Variants in SESN2 observed in about 807,000 individuals in gnomAD.
SESN2 encodes the protein sestrin 2, also known as sestrin-2.
In SESN2, 42 loss-of-function variants were observed where a neutral mutation model predicts 56.0. That is an observed-to-expected ratio of 0.75 (90% CI 0.59 to 0.97). SESN2 has a LOEUF of 0.97. Ranked by LOEUF, SESN2 falls within the 50% of genes least tolerant of loss-of-function variation. The probability of loss-of-function intolerance (pLI) is 0.00; values close to 1 mark genes in which losing one functional copy is unlikely to be tolerated. For synonymous variants in SESN2, 264 were observed against 267.1 expected (o/e 0.99, Z 0.11); for missense variants, 507 against 649.4 (o/e 0.78, Z 2.38).
In SESN2 at chr1:28,276,500, T is replaced by A. The variant is rs145738561; in HGVS notation, c.1211+1485T>A. 4.4e-3 allele frequency among the ~76,000 whole-genome samples: 663 copies of A among 149,108 alleles called. 2 individuals are homozygous for A. Among genetic ancestry groups the A allele is most frequent in the Non-Finnish European group, 6.1e-3 (409 of 67,376 alleles). ...CACTAAAAAAATACAAAATAAAATT[T>A]AAAAAAAATTATCCATTATACTATC... On this transcript the variant is annotated intron_variant, in intron 8 of 9. Coordinates refer to ENST00000253063, the MANE Select transcript of SESN2 (RefSeq NM_031459.5).
At chr1:28,271,589 T>G in intron 2 of SESN2, 85 bp from the exon 3 acceptor site, 1 of 1,085,418 alleles carries the variant, frequency 9.2e-7, no homozygotes, top group South Asian at 1.3e-5. Flanking sequence ...TTCTTGCCAT[T>G]AAAAACCCAC....
chr1:28,277,205 C>CT lies in SESN2; in HGVS notation c.1212-1877dup, dbSNP rs35636614. The stretch of plus-strand genomic sequence containing the variant: ...CACAGGCGTGAGCCACTGCGCCTGG[C>CT]TTTTTTTTTTTTTTTGAGACAGAGT... On this transcript the variant is annotated intron_variant, in intron 8 of 9. Coordinates refer to ENST00000253063, the MANE Select transcript of SESN2 (RefSeq NM_031459.5). Among the ~76,000 whole-genome samples the CT allele has an allele frequency of 8.8e-4, 117 of 132,576 alleles. 1 individual carries two copies. The highest frequency in any genetic ancestry group is 1.5e-3 in the African/African-American group (52 of 35,304). 87.0% of individuals were successfully genotyped at this position (132,576 alleles called of 152,430 possible). A position where few individuals can be genotyped will look rare whatever the true frequency, so the allele number is the denominator to read the frequency against.
intron 1 of SESN2, among the ~76,000 whole-genome samples, chr1:28,262,486 C>A (rs1647407570): frequency 6.6e-6 from 1 of 151,628 alleles, no homozygotes; most frequent in South Asian, 2.1e-4. Flanking sequence ...CAAAAGTTAG[C>A]CAGGCGTGGT....
rs779371521 is a variant in SESN2, at chr1:28,279,163, G to C, written c.1278G>C (p.Lys426Asn). The C allele has an allele frequency of 2.5e-6, 4 of 1,614,180 alleles. No homozygotes were observed. Among genetic ancestry groups the C allele is most frequent in the Non-Finnish European group, 3.4e-6 (4 of 1,180,008 alleles). The change falls in exon 9 of 10, where the codon AAG becomes AAC. Residue 426 changes from lysine to asparagine, a missense_variant. Coordinates refer to ENST00000253063, the MANE Select transcript of SESN2 (RefSeq NM_031459.5). Reference sequence around the variant, plus strand: ...AGCGGAACCTCAAGGTCTATATCAAGACAGTGGCCTGCTACCCAGAGAAGA... The same window carrying C: ...AGCGGAACCTCAAGGTCTATATCAACACAGTGGCCTGCTACCCAGAGAAGA... ...LLERNLKVYI[K>N]TVACYPEKTT...
At chr1:28,271,556 T>TG (rs1283441115) in intron 2 of SESN2, 118 bp from the exon 3 acceptor site, 1 of 692,256 alleles carries the variant, frequency 1.4e-6, no homozygotes, top group African/African-American at 1.8e-5. Flanking sequence ...TCTTTCTTTT[T>TG]GGACACGGTG....
At chr1:28,272,977 C>T (rs907575849) in intron 5 of SESN2, among the ~76,000 whole-genome samples, 184 bp downstream of exon 5, 4 of 152,178 alleles carry the variant, frequency 2.6e-5, no homozygotes, top group African/African-American at 4.8e-5. Context: ...AGACCCTCTA[C>T]TCACACTGGG....
At chr1:28,275,943 C>T (rs1032488356) in intron 8 of SESN2, among the ~76,000 whole-genome samples, 4 of 151,912 alleles carry the variant, frequency 2.6e-5, no homozygotes, top group East Asian at 3.9e-4. Context: ...TCCAGGAGTT[C>T]GAGACCAACC....
Position 28,259,947 on chromosome 1 carries a change from G to A in SESN2, c.90+10G>A. ...CTCGGGCCCCGGAGAGGTAAGCGGC[G>A]GCCGCGCGACGCCCCTCTTCCCTGG... On this transcript the variant is annotated intron_variant, in intron 1 of 9. Transcript: ENST00000253063. The A allele has an allele frequency of 1.3e-6, 2 of 1,496,454 alleles. No individual in the cohort carries two copies. The highest frequency in any genetic ancestry group is 1.2e-5 in the South Asian group (1 of 81,102). The allele number at this position is 1,496,454 out of a possible 1,614,324, so 92.7% of individuals were successfully genotyped here.
At chr1:28,265,325 G>A (rs758822777) in intron 1 of SESN2, among the ~76,000 whole-genome samples, 2 of 152,172 alleles carry the variant, frequency 1.3e-5, no homozygotes, top group Non-Finnish European at 2.9e-5. Flanking sequence ...AATCTACTTG[G>A]TTTTGCCTTC....
In SESN2 at chr1:28,282,209, C is replaced by T. The variant is rs150991248; in HGVS notation, c.*1407C>T. On this transcript the variant is annotated 3_prime_UTR_variant, in exon 10 of 10. Coordinates refer to ENST00000253063, the MANE Select transcript of SESN2 (RefSeq NM_031459.5). ...AGGCAAGGGCCGTGCTGCTGCTGGG[C>T]GGGGCAGGAGAGGAGCCTGGCCAGT... 685 of 152,680 alleles carry T rather than the reference C, an allele frequency of 4.5e-3. 8 individuals carry two copies. The highest frequency in any genetic ancestry group is 0.025 in the South Asian group (121 of 4,826). 9.5% of individuals were successfully genotyped at this position (152,680 alleles called of 1,614,324 possible).
At position 28,259,586 on chromosome 1, in the gene SESN2, T is replaced by C; in HGVS notation, c.-262T>C. On this transcript the variant is annotated 5_prime_UTR_variant, in exon 1 of 10. Transcript: ENST00000253063. ...GGAGCAGCCCTGGCCCCTGCGGACT[T>C]CCGAGGCCGTGAAAACCCCTGCGCT... 1 of 390,916 alleles carries C rather than the reference T, an allele frequency of 2.6e-6. No individual in the cohort carries two copies. Among genetic ancestry groups the C allele is most frequent in the South Asian group, 6.9e-5 (1 of 14,432 alleles). The allele number at this position is 390,916 out of a possible 1,614,324, so 24.2% of individuals were successfully genotyped here.
At position 28,259,887 on chromosome 1, in the gene SESN2, G is replaced by A. The variant is rs1185683806; in HGVS notation, c.40G>A (p.Asp14Asn). Residue 14 changes from aspartate (D) to asparagine (N), a missense_variant, in exon 1 of 10, where the codon GAC becomes AAC. Physicochemically the swap from Asp to Asn is conservative, Grantham distance 23. Coordinates refer to ENST00000253063, the MANE Select transcript of SESN2 (RefSeq NM_031459.5). The part of the protein sequence containing the change: ...ADSECRAELK[D>N]YLRFAPGGVG... ...CTCCGAGTGCCGCGCAGAGCTCAAGGACTACCTGCGGTTCGCCCCGGGCGG... is the reference window on the plus strand; with the variant it reads ...CTCCGAGTGCCGCGCAGAGCTCAAGAACTACCTGCGGTTCGCCCCGGGCGG... 6.9e-7 allele frequency: 1 copy of A among 1,450,086 alleles called. No homozygotes were observed. The highest frequency in any genetic ancestry group is 2.9e-5 in the East Asian group (1 of 34,816). 89.8% of individuals were successfully genotyped at this position (1,450,086 alleles called of 1,614,324 possible).
chr1:28,269,772 TACA>T (rs1293513719), intron 2 of SESN2, among the ~76,000 whole-genome samples: 3 of 152,240 alleles, frequency 2.0e-5, no homozygotes, highest in East Asian at 1.9e-4. Context: ...GGTCATAGTT[TACA>T]ACGTGTTTTT....
Position 28,279,194 on chromosome 1 carries a change from C to T in SESN2, c.1309C>T (p.Arg437Ter), listed in dbSNP as rs747114158. 13 of 1,613,990 alleles carry T rather than the reference C, an allele frequency of 8.1e-6. No homozygotes were observed. The highest frequency in any genetic ancestry group is 2.2e-5 in the East Asian group (1 of 44,892). The change falls in exon 9 of 10, where the codon CGA becomes TGA. Residue 437 changes from arginine to a stop codon, truncating the protein, a stop_gained. Transcript: ENST00000253063. LOFTEE classifies it high-confidence loss of function. ...TVACYPEKTT[R>*]RMYNLFWRHF... ...GGCCTGCTACCCAGAGAAGACCACCCGAAGAATGTACAACCTCTTCTGGAG... is the reference window on the plus strand; with the variant it reads ...GGCCTGCTACCCAGAGAAGACCACCTGAAGAATGTACAACCTCTTCTGGAG...
chr1:28,260,353 G>C (rs1218438814), intron 1 of SESN2, among the ~76,000 whole-genome samples: 1 of 152,126 alleles, frequency 6.6e-6, no homozygotes, highest in Non-Finnish European at 1.5e-5. Flanking sequence ...CTTCCGCGGA[G>C]TCCCTTCCTC....
intron 1 of SESN2, among the ~76,000 whole-genome samples, chr1:28,265,085 G>T (rs1318365915): frequency 6.6e-6 from 1 of 152,018 alleles, no homozygotes; most frequent in African/African-American, 2.4e-5. Flanking sequence ...TAAAATGGAA[G>T]CCCTAGTAGT....
chr1:28,270,485 CAA>C (rs373546992), intron 2 of SESN2, among the ~76,000 whole-genome samples: 15 of 152,238 alleles, frequency 9.9e-5, no homozygotes, highest in African/African-American at 3.4e-4. Context: ...ATAAGGCGAA[CAA>C]CCACTTGCCG....
chr1:28,264,651 T>C, intron 1 of SESN2, among the ~76,000 whole-genome samples: 1 of 152,210 alleles, frequency 6.6e-6, no homozygotes, highest in East Asian at 1.9e-4. Context: ...CCTCACTACA[T>C]GTGGCTATTT....
intron 7 of SESN2, 21 bp from the exon 8 acceptor site, chr1:28,274,804 A>G (rs201230310): frequency 4.0e-5 from 63 of 1,592,200 alleles, no homozygotes; most frequent in African/African-American, 6.7e-5. Context: ...AGACTCACCA[A>G]TCCCTTCCCA....
Sources: gnomAD v4.1 joint callset for allele counts (sites outside exome capture counted in the v4.1 genomes callset) on GRCh38, gnomAD v4.1.1 for gene constraint, MANE v1.5 for transcripts, NCBI Gene and HGNC (gene_info 2026-07-23, HGNC 2026-07-21) for gene names.